The following RPS6KA2 variants were observed in gnomAD, a reference collection of about 807,000 sequenced individuals.
RPS6KA2 encodes ribosomal protein S6 kinase alpha-2.
In RPS6KA2, 42 loss-of-function variants were observed where a neutral mutation model predicts 91.8. That is an observed-to-expected ratio of 0.46 (90% CI 0.36 to 0.59). The LOEUF is 0.59. Among genes scored for constraint, RPS6KA2 ranks in the 20% least tolerant of loss-of-function variants. The probability of loss-of-function intolerance (pLI) is 0.00; values close to 1 mark genes in which losing one functional copy is unlikely to be tolerated. For synonymous variants in RPS6KA2, 414 were observed against 393.6 expected (o/e 1.05, Z -0.61); for missense variants, 798 against 978.5 (o/e 0.82, Z 2.46).
chr6:166,805,111 T>C (rs1779458300), intron 2 of RPS6KA2, among the ~76,000 whole-genome samples: 1 of 152,338 alleles, frequency 6.6e-6, no homozygotes, highest in Middle Eastern at 3.4e-3. Flanking sequence ...AAGGCTTGCA[T>C]CTCACAGGGG....
chr6:166,602,631 T>C (rs1785786612), intron 1 of RPS6KA2, among the ~76,000 whole-genome samples: 1 of 152,194 alleles, frequency 6.6e-6, no homozygotes, highest in Admixed American at 6.5e-5. Context: ...TCCATTTATA[T>C]GACACGTAAA....
At chr6:166,589,772 C>T (rs113094493) in intron 1 of RPS6KA2, among the ~76,000 whole-genome samples, 3,851 of 152,306 alleles carry the variant, frequency 0.025, 70 homozygotes, top group Non-Finnish European at 0.035. Context: ...TCACCCAGTG[C>T]TTTGGCCCAA....
At chr6:166,607,551 A>G (rs888664223) in intron 1 of RPS6KA2, among the ~76,000 whole-genome samples, 2 of 152,228 alleles carry the variant, frequency 1.3e-5, no homozygotes, top group Non-Finnish European at 2.9e-5. Context: ...GATTCCGTTT[A>G]TATGAAATAC....
intron 2 of RPS6KA2, among the ~76,000 whole-genome samples, chr6:166,716,552 C>T (rs1790019118): frequency 1.3e-5 from 2 of 152,206 alleles, no homozygotes; most frequent in African/African-American, 4.8e-5. Flanking sequence ...TATGGGACCA[C>T]CTTCAGATGT....
chr6:166,615,640 T>C (rs1018227923), intron 1 of RPS6KA2, among the ~76,000 whole-genome samples: 2 of 152,274 alleles, frequency 1.3e-5, no homozygotes, highest in Non-Finnish European at 1.5e-5. Flanking sequence ...GCTCCGCTCA[T>C]ACCAGGTAGG....
chr6:166,481,816 G>T (rs544339659), intron 10 of RPS6KA2, among the ~76,000 whole-genome samples: 1 of 151,014 alleles, frequency 6.6e-6, no homozygotes, highest in Non-Finnish European at 1.5e-5. Flanking sequence ...ATGGCAGACT[G>T]CAGGTATACC....
intron 2 of RPS6KA2, among the ~76,000 whole-genome samples, chr6:166,637,171 G>A (rs893759871): frequency 3.3e-5 from 5 of 152,190 alleles, no homozygotes; most frequent in Admixed American, 6.5e-5. Context: ...GCTTCCACTG[G>A]GACCATCTGG....
Position 166,538,932 on chromosome 6 carries a change from G to GT in RPS6KA2, c.100-149dup, listed in dbSNP as rs1338843658. The GT allele has an allele frequency of 2.8e-3, 1,404 of 493,136 alleles. 17 individuals carry two copies. The highest frequency in any genetic ancestry group is 0.026 in the African/African-American group (1,321 of 50,556). The allele number at this position is 493,136 out of a possible 1,614,324, so 30.5% of individuals were successfully genotyped here. A position where few individuals can be genotyped will look rare whatever the true frequency, so the allele number is the denominator to read the frequency against. Reference sequence around the variant, plus strand: ...GAAAGTGGAGACACCATTTAGTTGTGTTTTTTTCTTTTTTTTTTCTTAAGA... The same window carrying GT: ...GAAAGTGGAGACACCATTTAGTTGTGTTTTTTTTCTTTTTTTTTTCTTAAGA... On this transcript the variant is annotated intron_variant, in intron 1 of 20. Coordinates refer to ENST00000265678, the MANE Select transcript of RPS6KA2 (RefSeq NM_021135.6).
intron 1 of RPS6KA2, among the ~76,000 whole-genome samples, chr6:166,547,192 G>T (rs530011451): frequency 3.9e-5 from 6 of 152,202 alleles, no homozygotes; most frequent in Non-Finnish European, 7.3e-5. Flanking sequence ...GGCCGGTGAC[G>T]TGCGTCCTCC....
intron 1 of RPS6KA2, among the ~76,000 whole-genome samples, chr6:166,609,573 C>T (rs1786088410): frequency 6.7e-6 from 1 of 149,798 alleles, no homozygotes; most frequent in Non-Finnish European, 1.5e-5. Context: ...AGTCTTGGCT[C>T]ACCGTAATCT....
At chr6:166,444,768 C>T (rs563964683) in intron 14 of RPS6KA2, among the ~76,000 whole-genome samples, 27 of 152,350 alleles carry the variant, frequency 1.8e-4, no homozygotes, top group African/African-American at 6.3e-4. Context: ...ATTCAGCCCA[C>T]GTGAATTGAG....
rs74867625 is a variant in RPS6KA2, at chr6:166,413,993, C to T, written c.1939-62G>A. ...GGATCATTTGTGCTGGGTCAGAGAG[C>T]CTCCCCAGCAGAACTCCTCTCCCTC... On this transcript the variant is annotated intron_variant, in intron 19 of 20. Transcript: ENST00000265678. The T allele has an allele frequency of 2.2e-3, 3,288 of 1,529,294 alleles. 62 individuals carry two copies. The African/African-American group carries it at 0.038, about 18-fold the overall frequency. 94.7% of individuals were successfully genotyped at this position (1,529,294 alleles called of 1,614,324 possible). A position where few individuals can be genotyped will look rare whatever the true frequency, so the allele number is the denominator to read the frequency against.
chr6:166,745,164 T>C (rs1345646387), intron 2 of RPS6KA2, among the ~76,000 whole-genome samples: 1 of 149,978 alleles, frequency 6.7e-6, no homozygotes, highest in African/African-American at 2.5e-5. Flanking sequence ...TTTTTTTTTT[T>C]TTTTGAGAGA....
At chr6:166,742,622 C>T (rs545263922) in intron 2 of RPS6KA2, among the ~76,000 whole-genome samples, 6 of 152,236 alleles carry the variant, frequency 3.9e-5, no homozygotes, top group South Asian at 2.1e-4. Context: ...GTCCTTCATC[C>T]GCCTCTCATT....
chr6:166,751,546 G>A (rs533825387), intron 2 of RPS6KA2, among the ~76,000 whole-genome samples: 1 of 152,370 alleles, frequency 6.6e-6, no homozygotes, highest in East Asian at 1.9e-4. Context: ...ACAGGGGCTT[G>A]AGGCTTGGCT....
intron 1 of RPS6KA2, among the ~76,000 whole-genome samples, chr6:166,601,280 T>C (rs752676842): frequency 2.0e-5 from 3 of 152,236 alleles, no homozygotes; most frequent in Non-Finnish European, 4.4e-5. Flanking sequence ...ATTTTCATGA[T>C]GCAAATACTG....
intron 2 of RPS6KA2, among the ~76,000 whole-genome samples, chr6:166,783,831 C>T (rs758453172): frequency 1.4e-5 from 1 of 70,056 alleles, no homozygotes; most frequent in Non-Finnish European, 3.4e-5. Context: ...CATATGCACA[C>T]GTGCACACCT....
rs577007381 is a variant in RPS6KA2, at chr6:166,793,575, G to A, written c.123+64625C>T. On this transcript the variant is annotated intron_variant, in intron 2 of 21. Transcript: ENST00000503859. The stretch of plus-strand genomic sequence containing the variant: ...ATCCTAAGCCAAAAGAACAAAGCTG[G>A]AGGCATCACGTTACCTGACTTCAAA... Among the ~76,000 whole-genome samples, 15 of 149,674 alleles carry A rather than the reference G, an allele frequency of 1.0e-4. No individual in the cohort carries two copies. In the East Asian group the frequency reaches 2.9e-3, roughly 29 times the overall value.
Position 166,635,266 on chromosome 6 carries a change from T to C in RPS6KA2, c.124-96482A>G, listed in dbSNP as rs1787198264. Among the ~76,000 whole-genome samples, 1 of 152,206 alleles carries C rather than the reference T, an allele frequency of 6.6e-6. No homozygotes were observed. On this transcript the variant is annotated intron_variant, in intron 2 of 21. Transcript: ENST00000503859. The surrounding 1 kb of genome is among the most constrained non-coding windows in gnomAD (Gnocchi z 4.8). ...TCTGCGCATCTACTGTGCCTGCTGC[T>C]GTGGGCTGTGCTGAGGCTGGGATCT...
Sources: allele counts gnomAD v4.1 joint callset (sites outside exome capture counted in the v4.1 genomes callset), GRCh38; gene constraint gnomAD v4.1.1; non-coding constraint Gnocchi (gnomAD v3.1); transcripts MANE v1.5; gene names NCBI Gene and HGNC (gene_info 2026-07-23, HGNC 2026-07-21).